EXOSC4: variants seen among roughly 807,000 people sequenced by gnomAD.
EXOSC4 encodes the protein exosome complex component RRP41.
In EXOSC4, 14 loss-of-function variants were observed where a neutral mutation model predicts 20.0. The observed-to-expected ratio is 0.70, with a 90% confidence interval of 0.46 to 1.09. EXOSC4 has a LOEUF of 1.09. Among genes scored for constraint, EXOSC4 ranks in the 50% least tolerant of loss-of-function variants. The probability of loss-of-function intolerance (pLI) is 0.00; values close to 1 mark genes in which losing one functional copy is unlikely to be tolerated. For synonymous variants in EXOSC4, 148 were observed against 146.4 expected (o/e 1.01, Z -0.08); for missense variants, 337 against 334.0 (o/e 1.01, Z -0.07).
chr8:144,069,995 A>C, the EXOSC4 span, among the ~76,000 whole-genome samples: 1 of 152,240 alleles, frequency 6.6e-6, no homozygotes, highest in East Asian at 1.9e-4. Flanking sequence ...AGGAGAAAAA[A>C]GGGCTGTTCC....
upstream of EXOSC4, among the ~76,000 whole-genome samples, chr8:144,073,987 A>G (rs11985815): frequency 0.22 from 32,728 of 151,848 alleles, 6,885 homozygotes; most frequent in African/African-American, 0.55. Context: ...GCCCTGCCCC[A>G]CTGCCTGCTG....
chr8:144,064,840 C>CTT, the EXOSC4 span, among the ~76,000 whole-genome samples: 92 of 136,664 alleles, frequency 6.7e-4, no homozygotes, highest in African/African-American at 1.5e-3. Context: ...TCCAATCTGT[C>CTT]TTTTTTTTTT....
chr8:144,066,521 A>G, the EXOSC4 span, among the ~76,000 whole-genome samples: 74 of 143,298 alleles, frequency 5.2e-4, no homozygotes, highest in African/African-American at 1.9e-3. Context: ...GGCTCACTGC[A>G]ACCTCCGACT....
upstream of EXOSC4, among the ~76,000 whole-genome samples, chr8:144,077,272 C>T (rs551413777): frequency 5.9e-5 from 9 of 151,848 alleles, no homozygotes; most frequent in Non-Finnish European, 1.0e-4. Flanking sequence ...AAGAAACAAA[C>T]GAAAAAAACG....
chr8:144,069,542 C>G, the EXOSC4 span, among the ~76,000 whole-genome samples: 1 of 152,248 alleles, frequency 6.6e-6, no homozygotes, highest in South Asian at 2.1e-4. Flanking sequence ...CCATTTCCCT[C>G]CTAAAGGACG....
chr8:144,076,361 T>C (rs534090996), upstream of EXOSC4, among the ~76,000 whole-genome samples: 60 of 152,252 alleles, frequency 3.9e-4, no homozygotes, highest in African/African-American at 1.3e-3. Flanking sequence ...TGAAGACAAG[T>C]CTATAGTGAG....
At chr8:144,070,705 G>A in the EXOSC4 span, among the ~76,000 whole-genome samples, 1,180 of 151,786 alleles carry the variant, frequency 7.8e-3, 14 homozygotes, top group African/African-American at 0.027. Context: ...GCGCACGCCT[G>A]CAATCCCAGC....
At chr8:144,079,689 C>A in intron 1 of EXOSC4, 1 of 660,466 alleles carries the variant, frequency 1.5e-6, no homozygotes, top group South Asian at 1.5e-5. Flanking sequence ...GTAGGTGAGA[C>A]AGAAGCAGCG....
upstream of EXOSC4, among the ~76,000 whole-genome samples, chr8:144,074,718 G>A (rs546545712): frequency 6.6e-6 from 1 of 152,208 alleles, no homozygotes; most frequent in Admixed American, 6.5e-5. Context: ...CTACAGGCGT[G>A]TGCCACCATA....
chr8:144,077,939 A>T (rs1835851196), upstream of EXOSC4: 1 of 152,256 alleles, frequency 6.6e-6, no homozygotes. Flanking sequence ...CAGCAACTGT[A>T]GGAGAGATCC....
Position 144,078,765 on chromosome 8 carries a change from C to G in EXOSC4, c.37C>G (p.Arg13Gly), listed in dbSNP as rs781819833. 2 of 1,529,510 alleles carry G rather than the reference C, an allele frequency of 1.3e-6. No homozygotes were observed. The highest frequency in any genetic ancestry group is 1.4e-5 in the African/African-American group (1 of 70,644). The allele number at this position is 1,529,510 out of a possible 1,614,324, so 94.7% of individuals were successfully genotyped here. Residue 13 changes from arginine (R) to glycine (G), a missense_variant, in exon 1 of 3, where the codon CGG becomes GGG. Transcript: ENST00000316052. The surrounding 1 kb of genome is among the most constrained non-coding windows in gnomAD (Gnocchi z 4.7). Reference sequence around the variant, plus strand: ...GGAGCTCTTGTCGGACCAGGGCTACCGGGTGGACGGGCGGCGCGCCGGGGA... The same window carrying G: ...GGAGCTCTTGTCGGACCAGGGCTACGGGGTGGACGGGCGGCGCGCCGGGGA... ...GLELLSDQGY[R>G]VDGRRAGELR...
At chr8:144,077,418 C>T (rs1835846206), upstream of EXOSC4, among the ~76,000 whole-genome samples, 2 of 152,304 alleles carry the variant, frequency 1.3e-5, no homozygotes, top group South Asian at 2.1e-4. Flanking sequence ...CCCATCATGG[C>T]CTCAGACCAG....
At chr8:144,072,703 C>T in the EXOSC4 span, among the ~76,000 whole-genome samples, 1 of 152,196 alleles carries the variant, frequency 6.6e-6, no homozygotes, top group African/African-American at 2.4e-5. Context: ...TAATAACCTC[C>T]AGGGTGATGC....
At chr8:144,073,330 G>A in the EXOSC4 span, among the ~76,000 whole-genome samples, 1 of 152,142 alleles carries the variant, frequency 6.6e-6, no homozygotes, top group Non-Finnish European at 1.5e-5. Context: ...AGATTGCAGT[G>A]AGTCAAGATC....
At chr8:144,075,197 G>C (rs1488259404), upstream of EXOSC4, among the ~76,000 whole-genome samples, 2 of 151,506 alleles carry the variant, frequency 1.3e-5, no homozygotes, top group Non-Finnish European at 2.9e-5. Flanking sequence ...CAAGTAGCTG[G>C]GACCACAGGT....
At chr8:144,068,504 C>T in the EXOSC4 span, among the ~76,000 whole-genome samples, 9 of 152,302 alleles carry the variant, frequency 5.9e-5, no homozygotes, top group African/African-American at 1.9e-4. Flanking sequence ...CTGGCCTGTG[C>T]GGGAAGAGTG....
chr8:144,074,394 C>T (rs1554762487), upstream of EXOSC4, among the ~76,000 whole-genome samples: 9 of 152,108 alleles, frequency 5.9e-5, no homozygotes. Context: ...TATGCTATCG[C>T]TAGTCATTCT....
At chr8:144,079,502 G>A (rs1265735029) in intron 1 of EXOSC4, 1 of 346,936 alleles carries the variant, frequency 2.9e-6, no homozygotes, top group Non-Finnish European at 5.6e-6. Context: ...GTGAAAACAA[G>A]CAAGGCACTT....
chr8:144,070,172 T>C, the EXOSC4 span, among the ~76,000 whole-genome samples: 2 of 152,164 alleles, frequency 1.3e-5, no homozygotes, highest in Non-Finnish European at 2.9e-5. Context: ...GGAAAAAAAC[T>C]GCAGCTGTTG....
Sources: allele counts gnomAD v4.1 joint callset (sites outside exome capture counted in the v4.1 genomes callset), GRCh38; gene constraint gnomAD v4.1.1; non-coding constraint Gnocchi (gnomAD v3.1); transcripts MANE v1.5; gene names NCBI Gene and HGNC (gene_info 2026-07-23, HGNC 2026-07-21).